The following ARHGAP20 variants were observed in gnomAD, a reference collection of about 807,000 sequenced individuals.
ARHGAP20 encodes the protein rho GTPase-activating protein 20.
Under a neutral mutation model 73.7 loss-of-function variants are expected in ARHGAP20, and 34 were observed. The observed-to-expected ratio is 0.46, with a 90% CI of 0.35 to 0.61. ARHGAP20 has a LOEUF of 0.61. Among genes scored for constraint, ARHGAP20 ranks in the 20% least tolerant of loss-of-function variants. The pLI is 0.00. For missense variants in ARHGAP20, 1,314 were observed against 1,420.9 expected, an observed-to-expected ratio of 0.92 and a Z score of 1.21; for synonymous variants, 523 against 518.2, an observed-to-expected ratio of 1.01 and a Z score of -0.13.
At position 110,615,447 on chromosome 11, in the gene ARHGAP20, T is replaced by G. The variant is rs187831786; in HGVS notation, c.545+106A>C. The G allele has an allele frequency of 4.0e-4, 424 of 1,052,466 alleles. 1 individual carries two copies. Among genetic ancestry groups the G allele is most frequent in the Middle Eastern group, 7.5e-4 (3 of 3,994 alleles). 65.2% of individuals were successfully genotyped at this position (1,052,466 alleles called of 1,614,324 possible). A position where few individuals can be genotyped will look rare whatever the true frequency, so the allele number is the denominator to read the frequency against. ...GCTTATTTAGAGGTCAAATGAACAA[T>G]TTCTACTAAGGAGAAGGGGAATAAT... On this transcript the variant is annotated intron_variant, in intron 5 of 14. Coordinates refer to ENST00000683387, the MANE Select transcript of ARHGAP20 (RefSeq NM_001384657.1).
intron 2 of ARHGAP20, among the ~76,000 whole-genome samples, chr11:110,685,837 T>G (rs990100022): frequency 3.3e-5 from 5 of 152,148 alleles, no homozygotes; most frequent in African/African-American, 1.2e-4. Context: ...AATAAAACAC[T>G]ATTTCTTTGC....
rs747390633 is a variant in ARHGAP20 at position 110,580,051 on chromosome 11, C to T, written c.2895G>A (p.Val965=). 6 of 1,614,150 alleles carry T rather than the reference C, an allele frequency of 3.7e-6. No homozygotes were observed. The South Asian group carries it at 6.6e-5, about 18-fold the overall frequency. ...SAFSQISEHS[V]FTPTETSSPI... The stretch of plus-strand genomic sequence containing the variant: ...GAGAGGAAGTCTCAGTGGGTGTAAA[C>T]ACAGAGTGTTCAGAAATCTGAGAAA... The change falls in exon 15 of 15, where the codon GTG becomes GTA. Residue 965 remains valine (V), a synonymous_variant. Transcript: ENST00000683387.
At chr11:110,591,707 GAAT>G (rs1947832819) in intron 10 of ARHGAP20, among the ~76,000 whole-genome samples, 1 of 152,210 alleles carries the variant, frequency 6.6e-6, no homozygotes, top group Admixed American at 6.5e-5. Flanking sequence ...GATTTGTGAG[GAAT>G]AATGTGAATT....
At chr11:110,657,971 A>AAGG (rs1565462722) in intron 2 of ARHGAP20, among the ~76,000 whole-genome samples, 3 of 135,498 alleles carry the variant, frequency 2.2e-5, no homozygotes, top group Non-Finnish European at 4.9e-5. Context: ...AGGAAGGAAG[A>AAGG]AAATGTCTAG....
At chr11:110,599,359 C>A (rs777156710) in intron 9 of ARHGAP20, among the ~76,000 whole-genome samples, 1 of 152,224 alleles carries the variant, frequency 6.6e-6, no homozygotes, top group Admixed American at 6.5e-5. Flanking sequence ...ACACTTGGGG[C>A]AGTGCTGACA....
At chr11:110,674,569 T>C (rs551579948) in intron 2 of ARHGAP20, among the ~76,000 whole-genome samples, 2 of 152,330 alleles carry the variant, frequency 1.3e-5, no homozygotes, top group East Asian at 3.9e-4. Flanking sequence ...TCAGGCTACA[T>C]TTATAAGGCA....
intron 3 of ARHGAP20, among the ~76,000 whole-genome samples, chr11:110,628,320 C>G (rs1376917249): frequency 6.6e-6 from 1 of 152,108 alleles, no homozygotes; most frequent in Non-Finnish European, 1.5e-5. Context: ...AATCCTTCAT[C>G]CAAGGGTAAG....
chr11:110,622,679 T>C (rs1948654790), intron 4 of ARHGAP20, among the ~76,000 whole-genome samples: 2 of 152,186 alleles, frequency 1.3e-5, no homozygotes, highest in African/African-American at 4.8e-5. Flanking sequence ...TGGAAGATTT[T>C]AAGGGGTGCT....
At position 110,580,746 on chromosome 11, in the gene ARHGAP20, T is replaced by A. The variant is rs151169911; in HGVS notation, c.2200A>T (p.Ile734Phe). The change falls in exon 15 of 15, where the codon ATT becomes TTT. Residue 734 changes from isoleucine to phenylalanine, a missense_variant. By Grantham distance (21) the Ile-to-Phe change is conservative. This residue lies in a region of ARHGAP20 where 641 missense variants were observed against 636.9 expected (regional missense o/e 1.01). Transcript: ENST00000683387. ...TAGTCTTCATCTTTTTGAGAAAGAA[T>A]TGCATCACAGCTGGACTTGCGTAGC... ...KKLRKSSCDA[I>F]LSQKDEDYLK... 1 of 1,613,980 alleles carries A rather than the reference T, an allele frequency of 6.2e-7. No individual in the cohort carries two copies. The highest frequency in any genetic ancestry group is 1.3e-5 in the African/African-American group (1 of 74,894).
At chr11:110,596,340 C>G (rs1484488796) in intron 9 of ARHGAP20, among the ~76,000 whole-genome samples, 1 of 149,990 alleles carries the variant, frequency 6.7e-6, no homozygotes, top group Non-Finnish European at 1.5e-5. Context: ...AAGAAACTAC[C>G]ATCAGAGTGA....
chr11:110,599,737 C>G (rs577026805), intron 9 of ARHGAP20, among the ~76,000 whole-genome samples: 1 of 152,304 alleles, frequency 6.6e-6, no homozygotes, highest in Non-Finnish European at 1.5e-5. Flanking sequence ...CAGAGCTGAG[C>G]AGATGTCCTG....
intron 4 of ARHGAP20, among the ~76,000 whole-genome samples, chr11:110,616,014 G>A (rs1948474720): frequency 6.6e-6 from 1 of 152,084 alleles, no homozygotes; most frequent in Admixed American, 6.5e-5. Flanking sequence ...CTATGAAACT[G>A]GGTTAGTATT....
At chr11:110,708,948 G>C (rs1950597572) in intron 1 of ARHGAP20, among the ~76,000 whole-genome samples, 1 of 152,100 alleles carries the variant, frequency 6.6e-6, no homozygotes, top group Non-Finnish European at 1.5e-5. Context: ...CATTTCAAGA[G>C]CTCAATAGCT....
At chr11:110,711,600 C>A in intron 1 of ARHGAP20, 1 of 1,484,414 alleles carries the variant, frequency 6.7e-7, no homozygotes, top group Non-Finnish European at 8.9e-7. Context: ...GGAGCAGCCG[C>A]GCCTCGGCGG....
chr11:110,635,745 G>A (rs531378546), intron 2 of ARHGAP20, among the ~76,000 whole-genome samples: 3 of 151,784 alleles, frequency 2.0e-5, no homozygotes, highest in Admixed American at 2.0e-4. Context: ...ATTATAGGTT[G>A]GAATTAAGCA....
At chr11:110,602,920 A>T (rs1331834119) in intron 9 of ARHGAP20, among the ~76,000 whole-genome samples, 3 of 152,232 alleles carry the variant, frequency 2.0e-5, no homozygotes, top group African/African-American at 7.2e-5. Flanking sequence ...ACAATAATTC[A>T]GTACAACCTG....
intron 14 of ARHGAP20, among the ~76,000 whole-genome samples, chr11:110,581,734 T>C (rs766164806): frequency 6.6e-6 from 1 of 152,188 alleles, no homozygotes; most frequent in Non-Finnish European, 1.5e-5. Context: ...AAGACAATGA[T>C]GTTCAGTGGC....
chr11:110,610,277 T>C (rs924777796), intron 7 of ARHGAP20, among the ~76,000 whole-genome samples: 1 of 149,764 alleles, frequency 6.7e-6, no homozygotes, highest in African/African-American at 2.5e-5. Flanking sequence ...CTAAAGGGCT[T>C]ACTATAGTAC....
intron 2 of ARHGAP20, among the ~76,000 whole-genome samples, chr11:110,679,111 G>A (rs1268763394): frequency 1.3e-5 from 2 of 152,082 alleles, no homozygotes; most frequent in African/African-American, 4.8e-5. Context: ...GGAGTGGGAG[G>A]GTCTGCTTCC....
Sources: allele counts gnomAD v4.1 joint callset (sites outside exome capture counted in the v4.1 genomes callset), GRCh38; gene constraint gnomAD v4.1.1; regional missense constraint gnomAD v4.1.1; transcripts MANE v1.5; gene names NCBI Gene and HGNC (gene_info 2026-07-23, HGNC 2026-07-21).